The following TIAM2 variants were observed in gnomAD, a reference collection of about 807,000 sequenced individuals.
TIAM2 encodes TIAM Rac1 associated GEF 2, also known as rho guanine nucleotide exchange factor TIAM2.
Under a neutral mutation model 152.9 loss-of-function variants are expected in TIAM2, and 80 were observed. That is an observed-to-expected ratio of 0.52 (90% CI 0.44 to 0.63). The LOEUF is 0.63. Among genes scored for constraint, TIAM2 ranks in the 30% least tolerant of loss-of-function variants. The pLI is 0.00. For synonymous variants in TIAM2, 804 were observed against 838.0 expected (o/e 0.96, Z 0.70); for missense variants, 1,965 against 2,120.1 (o/e 0.93, Z 1.44).
chr6:155,115,676 T>G (rs1554231503), intron 2 of TIAM2, among the ~76,000 whole-genome samples: 1 of 152,078 alleles, frequency 6.6e-6, no homozygotes, highest in Non-Finnish European at 1.5e-5. Context: ...CAATCGATGT[T>G]AAAAAATGAT....
chr6:155,095,905 T>G (rs1778410433), intron 2 of TIAM2, among the ~76,000 whole-genome samples: 2 of 152,236 alleles, frequency 1.3e-5, no homozygotes, highest in African/African-American at 4.8e-5. Flanking sequence ...TGTAAACAGA[T>G]GTACCCAGTA....
chr6:155,209,284 C>T (rs1781665293), intron 14 of TIAM2, among the ~76,000 whole-genome samples: 1 of 152,096 alleles, frequency 6.6e-6, no homozygotes, highest in South Asian at 2.1e-4. Flanking sequence ...TGGAAAACAG[C>T]TGCTACTCAA....
Position 155,183,238 on chromosome 6 carries a change from G to A in TIAM2, c.2802G>A (p.Gly934=). 2.5e-6 allele frequency: 4 copies of A among 1,610,932 alleles called. No individual in the cohort carries two copies. The highest frequency in any genetic ancestry group is 3.4e-6 in the Non-Finnish European group (4 of 1,178,390). The change falls in exon 14 of 27, where the codon GGG becomes GGA. Residue 934 remains glycine, a splice_region_variant and synonymous_variant. Transcript: ENST00000682666. ...VLPDGLAYGE[G]LRKGNEIMTL... is the part of the protein sequence containing the mutation. ...CTGTTTCTCCTTCCTTTTTCTCAGG[G>A]CTGAGAAAGGGCAATGAGATCATGA...
At chr6:155,161,199 C>G (rs1780259098) in intron 7 of TIAM2, among the ~76,000 whole-genome samples, 1 of 142,694 alleles carries the variant, frequency 7.0e-6, no homozygotes, top group African/African-American at 2.5e-5. Flanking sequence ...CCGATCTGAG[C>G]CGGGGTATCG....
intron 1 of TIAM2, among the ~76,000 whole-genome samples, chr6:155,029,575 TA>T (rs1328081733): frequency 1.0e-5 from 1 of 95,798 alleles, no homozygotes; most frequent in African/African-American, 4.3e-5. Flanking sequence ...TATATAATAG[TA>T]TATATAACTA....
intron 1 of TIAM2, among the ~76,000 whole-genome samples, chr6:155,036,860 C>T (rs1403153065): frequency 1.3e-5 from 2 of 151,844 alleles, no homozygotes. Context: ...TCAGGTGATC[C>T]GCCTGCCTTG....
intron 1 of TIAM2, among the ~76,000 whole-genome samples, chr6:155,062,227 C>T (rs898239793): frequency 6.6e-6 from 1 of 152,058 alleles, no homozygotes; most frequent in African/African-American, 2.4e-5. Flanking sequence ...TCTTTGTTAA[C>T]CATTTGATCG....
At chr6:155,060,685 C>T (rs1777558036) in intron 1 of TIAM2, among the ~76,000 whole-genome samples, 2 of 151,852 alleles carry the variant, frequency 1.3e-5, no homozygotes, top group East Asian at 2.0e-4. Context: ...CACATGAGGT[C>T]AGGAGTTCGA....
chr6:155,148,186 A>C lies in TIAM2; in HGVS notation c.1880A>C (p.His627Pro), dbSNP rs776123482. ...SACASLFAKKHGKEDTLRLLK... is the reference protein window; with the variant it reads ...SACASLFAKKPGKEDTLRLLK... ...TGTGCATCCCTTTTTGCAAAGAAGC[A>C]TGGGAAAGAGGACACGCTGCGGCTG... The change falls in exon 7 of 27, where the codon CAT (histidine) becomes CCT (proline). Residue 627 changes from histidine to proline, a missense_variant. Coordinates refer to ENST00000682666, the MANE Select transcript of TIAM2 (RefSeq NM_012454.4). 34 of 1,613,476 alleles carry C rather than the reference A, an allele frequency of 2.1e-5. No homozygotes were observed. The highest frequency in any genetic ancestry group is 2.9e-5 in the Non-Finnish European group (34 of 1,180,044).
chr6:155,093,679 G>A (rs963877772), intron 2 of TIAM2, among the ~76,000 whole-genome samples: 1 of 152,172 alleles, frequency 6.6e-6, no homozygotes, highest in Admixed American at 6.5e-5. Context: ...GGCCGGATGT[G>A]GTGTCTGACG....
At chr6:155,044,747 G>C (rs536644626) in intron 1 of TIAM2, among the ~76,000 whole-genome samples, 25 of 152,102 alleles carry the variant, frequency 1.6e-4, no homozygotes, top group African/African-American at 5.8e-4. Flanking sequence ...GGGAGGCAGA[G>C]GCTGCTGTGA....
At chr6:155,116,898 T>C (rs960492353) in intron 2 of TIAM2, among the ~76,000 whole-genome samples, 2 of 152,060 alleles carry the variant, frequency 1.3e-5, no homozygotes, top group South Asian at 2.1e-4. Context: ...TTAAAAGACA[T>C]GCTAACAGCT....
At position 155,257,083 on chromosome 6, in the gene TIAM2, G is replaced by T; in HGVS notation, c.5068G>T (p.Glu1690Ter). 1 of 1,612,786 alleles carries T rather than the reference G, an allele frequency of 6.2e-7. No individual in the cohort carries two copies. Among genetic ancestry groups the T allele is most frequent in the Middle Eastern group, 1.7e-4 (1 of 6,060 alleles). ...GAGTTTAACATCTGTTGTCAGTGAGGAGTGTTTTTATGAAACAGAGAGCCA... is the reference window on the plus strand; with the variant it reads ...GAGTTTAACATCTGTTGTCAGTGAGTAGTGTTTTTATGAAACAGAGAGCCA... ...VQSLTSVVSE[E>*]CFYETESHGK... Residue 1690 changes from glutamate to a stop codon, truncating the protein, a stop_gained, in exon 27 of 27, where the codon GAG (glutamate) becomes TAG (stop). Coordinates refer to ENST00000682666, the MANE Select transcript of TIAM2 (RefSeq NM_012454.4). LOFTEE classifies it high-confidence loss of function.
At chr6:155,209,467 G>T (rs771843838) in intron 14 of TIAM2, among the ~76,000 whole-genome samples, 9 of 152,148 alleles carry the variant, frequency 5.9e-5, no homozygotes, top group Non-Finnish European at 1.3e-4. Context: ...GTGGTTGAGG[G>T]TCTCATCTTA....
At chr6:155,077,693 G>A (rs945041965) in intron 1 of TIAM2, among the ~76,000 whole-genome samples, 1 of 152,192 alleles carries the variant, frequency 6.6e-6, no homozygotes, top group Admixed American at 6.5e-5. Context: ...CTTGTCATAG[G>A]GCAGTGTGTC....
rs59818801 is a variant in TIAM2, at chr6:155,187,573, C to CTTTTTTTTTT, written c.3064+4087_3064+4096dup. 2.6e-3 allele frequency among the ~76,000 whole-genome samples: 130 copies of CTTTTTTTTTT among 49,618 alleles called. 8 individuals are homozygous for CTTTTTTTTTT. Among genetic ancestry groups the CTTTTTTTTTT allele is most frequent in the African/African-American group, 3.9e-3 (49 of 12,662 alleles). 32.6% of individuals were successfully genotyped at this position (49,618 alleles called of 152,430 possible). ...AACCCCCCCTCCCCCACCCCGCCCC[C>CTTTTTTTTTT]TTTTTTTTTTTTTTTTTTTTTTTGA... On this transcript the variant is annotated intron_variant, in intron 14 of 26. Coordinates refer to ENST00000682666, the MANE Select transcript of TIAM2 (RefSeq NM_012454.4).
intron 5 of TIAM2, among the ~76,000 whole-genome samples, chr6:155,141,774 G>T (rs1424713654): frequency 6.6e-6 from 1 of 152,168 alleles, no homozygotes; most frequent in Admixed American, 6.5e-5. Flanking sequence ...GAATACTGGT[G>T]ATTCTGCCCT....
intron 2 of TIAM2, among the ~76,000 whole-genome samples, chr6:155,113,507 G>A (rs937044983): frequency 2.0e-5 from 3 of 152,054 alleles, no homozygotes; most frequent in Non-Finnish European, 4.4e-5. Flanking sequence ...GATCACTTGA[G>A]GTCAGGAGTT....
chr6:155,247,865 T>G, intron 19 of TIAM2, 135 bp from the exon 20 acceptor site: 15 of 1,092,326 alleles, frequency 1.4e-5, no homozygotes, highest in Non-Finnish European at 1.8e-5. Context: ...GACCCACTGA[T>G]GTGTTGGGGT....
Sources: gnomAD v4.1 joint callset for allele counts (sites outside exome capture counted in the v4.1 genomes callset) on GRCh38, gnomAD v4.1.1 for gene constraint, MANE v1.5 for transcripts, NCBI Gene and HGNC (gene_info 2026-07-23, HGNC 2026-07-21) for gene names.